PRKCB: variants seen among roughly 807,000 people sequenced by gnomAD.
PRKCB encodes protein kinase C beta type.
A neutral mutation model predicts 81.5 loss-of-function variants in PRKCB; 13 were observed. That is an observed-to-expected ratio of 0.16 (90% CI 0.10 to 0.25). The LOEUF is 0.25. Ranked by LOEUF, PRKCB falls within the 10% of genes least tolerant of loss-of-function variation. PRKCB has a pLI of 1.00. For missense variants in PRKCB, 509 were observed against 875.7 expected (o/e 0.58, Z 5.29); for synonymous variants, 335 against 321.4 (o/e 1.04, Z -0.45).
chr16:24,060,177 C>T (rs987342512), intron 5 of PRKCB, among the ~76,000 whole-genome samples: 2 of 152,146 alleles, frequency 1.3e-5, no homozygotes, highest in Non-Finnish European at 2.9e-5. Context: ...GTGTTCAAGT[C>T]CCAGCTCTGC....
intron 3 of PRKCB, among the ~76,000 whole-genome samples, chr16:23,998,721 A>T (rs1964992216): frequency 6.6e-6 from 1 of 152,252 alleles, no homozygotes; most frequent in Non-Finnish European, 1.5e-5. Context: ...TGTGATGATG[A>T]TGATGACAAT....
intron 3 of PRKCB, among the ~76,000 whole-genome samples, chr16:24,024,644 C>G (rs887048830): frequency 6.6e-6 from 1 of 152,162 alleles, no homozygotes; most frequent in Non-Finnish European, 1.5e-5. Context: ...AGCCTCAGCC[C>G]TGGAACTGTA....
rs909486328 is a variant in PRKCB, at chr16:23,933,815, C to T, written c.206-54693C>T. ...CCATCCATCCATCCATCCACCCATC[C>T]ATCCATCTTCTGTTTGTCGATTTTC... is the stretch of plus-strand genomic sequence containing the variant. On this transcript the variant is annotated intron_variant, in intron 2 of 16. Coordinates refer to ENST00000643927, the MANE Select transcript of PRKCB (RefSeq NM_002738.7). 2.2e-5 allele frequency among the ~76,000 whole-genome samples: 3 copies of T among 138,878 alleles called. No individual in the cohort carries two copies. In the East Asian group the frequency reaches 6.7e-4, roughly 31 times the overall value. The allele number at this position is 138,878 out of a possible 152,430, so 91.1% of individuals were successfully genotyped here.
chr16:23,862,008 A>C (rs1208786539), intron 2 of PRKCB, among the ~76,000 whole-genome samples: 1 of 152,204 alleles, frequency 6.6e-6, no homozygotes, highest in Non-Finnish European at 1.5e-5. Flanking sequence ...ACCTACTCTG[A>C]ATCATTGCTC....
chr16:24,186,546 C>A (rs1263434154), intron 15 of PRKCB, among the ~76,000 whole-genome samples: 1 of 152,230 alleles, frequency 6.6e-6, no homozygotes, highest in Non-Finnish European at 1.5e-5. Context: ...CATGGCCGTG[C>A]CTTAATCAGT....
chr16:24,156,621 T>C (rs1001357622), intron 10 of PRKCB, among the ~76,000 whole-genome samples: 3 of 151,964 alleles, frequency 2.0e-5, no homozygotes, highest in South Asian at 2.1e-4. Context: ...GAAGAGACAA[T>C]AGAAAGAAAA....
intron 5 of PRKCB, among the ~76,000 whole-genome samples, chr16:24,061,907 A>T (rs1965977136): frequency 8.9e-6 from 1 of 111,834 alleles, no homozygotes; most frequent in African/African-American, 3.6e-5. Context: ...CACCTTAAAT[A>T]AATAAAAAAA....
chr16:24,088,962 A>C (rs1966342921), intron 5 of PRKCB, among the ~76,000 whole-genome samples: 1 of 152,126 alleles, frequency 6.6e-6, no homozygotes, highest in Non-Finnish European at 1.5e-5. Context: ...CTGTGTTACC[A>C]ATCAACCAGA....
At chr16:24,109,704 T>C (rs1316477849) in intron 7 of PRKCB, among the ~76,000 whole-genome samples, 1 of 130,338 alleles carries the variant, frequency 7.7e-6, no homozygotes, top group Non-Finnish European at 1.5e-5. Flanking sequence ...CCAGACGGGG[T>C]GGCGGCCGGG....
chr16:23,982,137 TCCCTTCCCTTTCCCTTC>T (rs1964738507), intron 2 of PRKCB, among the ~76,000 whole-genome samples: 1 of 18,380 alleles, frequency 5.4e-5, no homozygotes, highest in Non-Finnish European at 9.6e-5. Context: ...CCCTTCCCTT[TCCCTTCCCTTTCCCTTC>T]CCCTTCCCTT....
At chr16:24,110,675 C>T (rs1001489714) in intron 7 of PRKCB, among the ~76,000 whole-genome samples, 4 of 151,978 alleles carry the variant, frequency 2.6e-5, no homozygotes, top group African/African-American at 4.8e-5. Flanking sequence ...CGCCACCATA[C>T]CTAGCTAAAT....
At chr16:24,159,288 G>A (rs1967217995) in intron 10 of PRKCB, among the ~76,000 whole-genome samples, 1 of 151,846 alleles carries the variant, frequency 6.6e-6, no homozygotes, top group African/African-American at 2.4e-5. Context: ...AGGGCTGCAT[G>A]GTAGTTCTTC....
chr16:24,172,430 G>GT (rs912352692), intron 11 of PRKCB, 69 bp downstream of exon 11: 193 of 1,385,346 alleles, frequency 1.4e-4, no homozygotes, highest in African/African-American at 4.2e-4. Context: ...CTTTGAGGGT[G>GT]TTTTTTTGCC....
At chr16:24,041,639 C>G (rs1056919880) in intron 5 of PRKCB, among the ~76,000 whole-genome samples, 2 of 151,958 alleles carry the variant, frequency 1.3e-5, no homozygotes, top group African/African-American at 4.8e-5. Flanking sequence ...CTTAGGTACT[C>G]CCAATATTGT....
At chr16:23,858,972 T>TA (rs773263408) in intron 2 of PRKCB, among the ~76,000 whole-genome samples, 16 of 151,072 alleles carry the variant, frequency 1.1e-4, no homozygotes, top group African/African-American at 3.2e-4. Flanking sequence ...CTGCAAAGAA[T>TA]AAAAAAAAAT....
chr16:24,061,929 A>AC (rs1965979708), intron 5 of PRKCB, among the ~76,000 whole-genome samples: 1 of 150,488 alleles, frequency 6.6e-6, no homozygotes, highest in South Asian at 2.1e-4. Context: ...AAAAAAAAAA[A>AC]AAAACTTGAG....
rs1374838240 is a variant in PRKCB at position 24,214,870 on chromosome 16, T to C, written c.*54T>C. ...TCTGTCATTCAAGCTCAACGGCTAT[T>C]GTGGTGACATTTTTATGTTTTTCAT... On this transcript the variant is annotated 3_prime_UTR_variant, in exon 17 of 17. Transcript: ENST00000643927. 1 of 1,590,954 alleles carries C rather than the reference T, an allele frequency of 6.3e-7. No homozygotes were observed. The highest frequency in any genetic ancestry group is 8.6e-7 in the Non-Finnish European group (1 of 1,167,692).
At chr16:24,145,264 A>G (rs1363267202) in intron 9 of PRKCB, among the ~76,000 whole-genome samples, 1 of 152,140 alleles carries the variant, frequency 6.6e-6, no homozygotes, top group African/African-American at 2.4e-5. Flanking sequence ...TTAAGTTTCT[A>G]AAGCATCGTT....
intron 2 of PRKCB, among the ~76,000 whole-genome samples, chr16:23,847,361 T>C (rs373889927): frequency 1.7e-3 from 76 of 43,920 alleles, no homozygotes; most frequent in South Asian, 3.7e-3. Flanking sequence ...TCTATCTATC[T>C]ATCTATCTAT....
Sources: allele counts gnomAD v4.1 joint callset (sites outside exome capture counted in the v4.1 genomes callset), GRCh38; gene constraint gnomAD v4.1.1; transcripts MANE v1.5; gene names NCBI Gene and HGNC (gene_info 2026-07-23, HGNC 2026-07-21).